The following CD1A variants were observed in gnomAD, a reference collection of about 807,000 sequenced individuals.
The protein encoded by CD1A is CD1a molecule.
CD1A carries 50 observed loss-of-function variants against 38.3 expected under a neutral mutation model. The observed-to-expected ratio is 1.30, with a 90% confidence interval of 1.04 to 1.65. CD1A has a LOEUF of 1.65. CD1A is among the 40% of genes most tolerant of loss of function. CD1A has a pLI of 0.00. For synonymous variants in CD1A, 160 were observed against 150.8 expected (o/e 1.06, Z -0.45); for missense variants, 459 against 406.1 (o/e 1.13, Z -1.12).
intron 4 of CD1A, 144 bp from the exon 5 acceptor site, chr1:158,257,277 G>A: frequency 1.1e-6 from 1 of 930,072 alleles, no homozygotes. Flanking sequence ...GAGCAGGGAT[G>A]AGAGAAAAAC....
chr1:158,257,430 G>T lies in CD1A; in HGVS notation c.893G>T (p.Ser298Ile). ...QDIVLYWEHH[S>I]SVGFIILAVI... ...CTCCCCAAATTCACAGAGCATCACAGTTCCGTGGGCTTCATCATCTTGGCG... is the reference window on the plus strand; with the variant it reads ...CTCCCCAAATTCACAGAGCATCACATTTCCGTGGGCTTCATCATCTTGGCG... The change falls in exon 5 of 6, where the codon AGT (serine) becomes ATT (isoleucine). Residue 298 changes from serine (S) to isoleucine (I), a missense_variant. By Grantham distance (142) the Ser-to-Ile change is moderately radical. Coordinates refer to ENST00000289429, the MANE Select transcript of CD1A (RefSeq NM_001763.3). The T allele has an allele frequency of 6.2e-7, 1 of 1,613,582 alleles. No individual in the cohort carries two copies. Among genetic ancestry groups the T allele is most frequent in the Admixed American group, 1.7e-5 (1 of 60,020 alleles).
rs151140868 is a variant in CD1A at position 158,257,455 on chromosome 1, G to A, written c.918G>A (p.Ala306=). 3.2e-5 allele frequency: 51 copies of A among 1,614,030 alleles called. No individual in the cohort carries two copies. In the Admixed American group the frequency reaches 5.0e-4, roughly 16 times the overall value. ...GTTCCGTGGGCTTCATCATCTTGGCGGTGATAGTGCCTTTACTTCTTCTGA... is the reference window on the plus strand; with the variant it reads ...GTTCCGTGGGCTTCATCATCTTGGCAGTGATAGTGCCTTTACTTCTTCTGA... The part of the protein sequence containing the change: ...HHSSVGFIIL[A]VIVPLLLLIG... Residue 306 remains alanine, a synonymous_variant, in exon 5 of 6, where the codon GCG becomes GCA. Transcript: ENST00000289429.
chr1:158,250,895 A>G (rs1209724222), upstream of CD1A, among the ~76,000 whole-genome samples: 1 of 152,208 alleles, frequency 6.6e-6, no homozygotes, highest in African/African-American at 2.4e-5. Flanking sequence ...CCCATTCCAC[A>G]TGAGAAATCA....
At position 158,257,984 on chromosome 1, in the gene CD1A, T is replaced by G. The variant is rs1015795187; in HGVS notation, c.*294T>G. 1 of 381,388 alleles carries G rather than the reference T, an allele frequency of 2.6e-6. No individual in the cohort carries two copies. The highest frequency in any genetic ancestry group is 4.8e-6 in the Non-Finnish European group (1 of 209,842). The allele number at this position is 381,388 out of a possible 1,614,324, so 23.6% of individuals were successfully genotyped here. A position where few individuals can be genotyped will look rare whatever the true frequency, so the allele number is the denominator to read the frequency against. On this transcript the variant is annotated 3_prime_UTR_variant, in exon 6 of 6. Coordinates refer to ENST00000289429, the MANE Select transcript of CD1A (RefSeq NM_001763.3). The stretch of plus-strand genomic sequence containing the variant: ...CACATGTTCAACTATTAATGGATCA[T>G]CAGGCCTGTTTTAGATATCCCTTAC...
rs758286841 is a variant in CD1A, at chr1:158,256,121, G to C, written c.443G>C (p.Trp148Ser). The C allele has an allele frequency of 5.6e-6, 9 of 1,614,170 alleles. No individual in the cohort carries two copies. Among genetic ancestry groups the C allele is most frequent in the African/African-American group, 1.3e-5 (1 of 75,034 alleles). Residue 148 changes from tryptophan to serine, a missense_variant, in exon 3 of 6, where the codon TGG becomes TCG. Trp to Ser is a radical substitution (Grantham distance 177). Coordinates refer to ENST00000289429, the MANE Select transcript of CD1A (RefSeq NM_001763.3). Reference protein sequence around the residue: ...SDFVSFQNNSWLPYPVAGNMA... With the variant: ...SDFVSFQNNSSLPYPVAGNMA... ...TTTGTGAGCTTCCAGAACAATTCAT[G>C]GTTGCCATATCCAGTGGCTGGGAAT...
Position 158,257,025 on chromosome 1 carries a change from C to G in CD1A, c.844C>G (p.His282Asp). 1 of 1,613,928 alleles carries G rather than the reference C, an allele frequency of 6.2e-7. No individual in the cohort carries two copies. Among genetic ancestry groups the G allele is most frequent in the Non-Finnish European group, 8.5e-7 (1 of 1,179,888 alleles). ...EAADLSCRVK[H>D]SSLEGQDIVL... ...AGCTGACCTGTCCTGTCGGGTGAAG[C>G]ACAGCAGTCTAGAGGGCCAGGACAT... The change falls in exon 4 of 6, where the codon CAC becomes GAC. Residue 282 changes from histidine (H) to aspartate (D), a missense_variant. By Grantham distance (81) the His-to-Asp change is moderately conservative (BLOSUM62 -1). Coordinates refer to ENST00000289429, the MANE Select transcript of CD1A (RefSeq NM_001763.3).
the CD1A span, among the ~76,000 whole-genome samples, chr1:158,248,787 G>A: frequency 6.6e-6 from 1 of 151,854 alleles, no homozygotes; most frequent in East Asian, 1.9e-4. Flanking sequence ...CAGCTCCCAA[G>A]AAGCCCTGTT....
intron 1 of CD1A, 33 bp downstream of exon 1, chr1:158,254,760 T>TG: frequency 7.0e-7 from 1 of 1,426,406 alleles, no homozygotes; most frequent in Non-Finnish European, 9.9e-7. Flanking sequence ...AGTTGGGTGG[T>TG]GGGTGAAGGT....
chr1:158,257,546 C>T (rs1650302816), intron 5 of CD1A, 35 bp downstream of exon 5: 1 of 1,583,978 alleles, frequency 6.3e-7, no homozygotes, highest in South Asian at 1.1e-5. Context: ...CTACTCTTAG[C>T]CTCTACCCCA....
chr1:158,253,715 T>C (rs1049982491), upstream of CD1A, among the ~76,000 whole-genome samples: 3 of 152,208 alleles, frequency 2.0e-5, no homozygotes, highest in African/African-American at 7.2e-5. Flanking sequence ...GTCAAAATTC[T>C]GGGCTGGCGT....
At chr1:158,254,263 C>G, upstream of CD1A, 1 of 1,078,988 alleles carries the variant, frequency 9.3e-7, no homozygotes, top group Non-Finnish European at 1.1e-6. Context: ...ACAGAGTGAT[C>G]AAAAAGAGCA....
At chr1:158,248,513 T>G in the CD1A span, 1 of 614,722 alleles carries the variant, frequency 1.6e-6, no homozygotes. Context: ...GGGAAGAATA[T>G]GGACTTGCCT....
At chr1:158,255,006 C>T in intron 1 of CD1A, 78 bp from the exon 2 acceptor site, 7 of 1,429,388 alleles carry the variant, frequency 4.9e-6, no homozygotes, top group Non-Finnish European at 6.8e-6. Flanking sequence ...ATTCTGAGTT[C>T]CCGCACTCTG....
intron 1 of CD1A, 98 bp from the exon 2 acceptor site, chr1:158,254,986 T>C: frequency 1.6e-6 from 2 of 1,252,098 alleles, no homozygotes; most frequent in Non-Finnish European, 2.3e-6. Flanking sequence ...ATGGATCCCC[T>C]TTTCTCCAGA....
intron 3 of CD1A, 136 bp downstream of exon 3, chr1:158,256,418 C>A: frequency 3.4e-6 from 3 of 874,250 alleles, no homozygotes; most frequent in Non-Finnish European, 5.2e-6. Context: ...TCTGTAATCC[C>A]AGTACTTTGG....
chr1:158,256,325 T>G (rs759468314), intron 3 of CD1A, 43 bp downstream of exon 3: 1 of 1,565,642 alleles, frequency 6.4e-7, no homozygotes, highest in Non-Finnish European at 8.7e-7. Flanking sequence ...GATTTGAAAA[T>G]CATACCCTTC....
Position 158,254,447 on chromosome 1 carries a change from G to A in CD1A, c.-223G>A, listed in dbSNP as rs1387097496. On this transcript the variant is annotated 5_prime_UTR_variant, in exon 1 of 6. Coordinates refer to ENST00000289429, the MANE Select transcript of CD1A (RefSeq NM_001763.3). ...ATAAGTTGGAGGTTGGTGACAAGGA[G>A]AGAAGCTGGAACAGAGAGGAGAGTC... is the stretch of plus-strand genomic sequence containing the variant. 21 of 1,380,586 alleles carry A rather than the reference G, an allele frequency of 1.5e-5. No individual in the cohort carries two copies. Among genetic ancestry groups the A allele is most frequent in the Non-Finnish European group, 2.0e-5 (21 of 1,065,888 alleles). The allele number at this position is 1,380,586 out of a possible 1,614,324, so 85.5% of individuals were successfully genotyped here. A position where few individuals can be genotyped will look rare whatever the true frequency, so the allele number is the denominator to read the frequency against.
upstream of CD1A, among the ~76,000 whole-genome samples, chr1:158,250,407 T>A: frequency 6.6e-6 from 1 of 152,202 alleles, no homozygotes; most frequent in East Asian, 1.9e-4. Flanking sequence ...AGGATGATGA[T>A]CATAGGGCAT....
chr1:158,254,433 G>A lies in CD1A; in HGVS notation c.-237G>A. The A allele has an allele frequency of 2.9e-6, 4 of 1,358,800 alleles. No homozygotes were observed. The highest frequency in any genetic ancestry group is 1.5e-5 in the South Asian group (1 of 64,924). The allele number at this position is 1,358,800 out of a possible 1,614,324, so 84.2% of individuals were successfully genotyped here. A position where few individuals can be genotyped will look rare whatever the true frequency, so the allele number is the denominator to read the frequency against. ...TTAGGGGAAGGTGAATAAGTTGGAG[G>A]TTGGTGACAAGGAGAGAAGCTGGAA... On this transcript the variant is annotated 5_prime_UTR_variant, in exon 1 of 6. Coordinates refer to ENST00000289429, the MANE Select transcript of CD1A (RefSeq NM_001763.3).
Sources: gnomAD v4.1 joint callset for allele counts (sites outside exome capture counted in the v4.1 genomes callset) on GRCh38, gnomAD v4.1.1 for gene constraint, MANE v1.5 for transcripts, NCBI Gene and HGNC (gene_info 2026-07-23, HGNC 2026-07-21) for gene names.